The following BPIFB1 variants were observed in gnomAD, a reference collection of about 807,000 sequenced individuals.
The protein encoded by BPIFB1 is BPI fold-containing family B member 1.
Under a neutral mutation model 55.1 loss-of-function variants are expected in BPIFB1, and 34 were observed. That is an observed-to-expected ratio of 0.62 (90% CI 0.47 to 0.82). The LOEUF is 0.82. Among genes scored for constraint, BPIFB1 ranks in the 40% least tolerant of loss-of-function variants. The pLI is 0.00. For synonymous variants in BPIFB1, 236 were observed against 245.3 expected (o/e 0.96, Z 0.35); for missense variants, 532 against 593.1 (o/e 0.90, Z 1.07).
At chr20:33,305,009 G>T in intron 13 of BPIFB1, 118 bp downstream of exon 13, 1 of 1,170,540 alleles carries the variant, frequency 8.5e-7, no homozygotes, top group Non-Finnish European at 1.3e-6. Context: ...CACCATGGGG[G>T]GCTGGCCGGT....
intron 9 of BPIFB1, 26 bp downstream of exon 9, chr20:33,301,438 T>C: frequency 6.2e-7 from 1 of 1,602,000 alleles, no homozygotes; most frequent in Non-Finnish European, 8.5e-7. Flanking sequence ...AGGCAGAGAA[T>C]AGGGCCGCCC....
intron 14 of BPIFB1, 91 bp downstream of exon 14, chr20:33,306,156 T>C (rs1439153598): frequency 2.2e-6 from 3 of 1,339,218 alleles, no homozygotes; most frequent in Non-Finnish European, 3.2e-6. Context: ...CCCCTTTCAT[T>C]CATCTCCCAG....
chr20:33,306,854 C>G, intron 14 of BPIFB1, 57 bp from the exon 15 acceptor site: 1 of 1,479,786 alleles, frequency 6.8e-7, no homozygotes, highest in Non-Finnish European at 9.5e-7. Flanking sequence ...GAGCCTGCCC[C>G]TGGCTGCCCA....
At chr20:33,289,758 T>G in intron 3 of BPIFB1, 127 bp from the exon 4 acceptor site, 1 of 742,500 alleles carries the variant, frequency 1.3e-6, no homozygotes, top group Non-Finnish European at 2.4e-6. Flanking sequence ...TGGAGAGGAG[T>G]CGGTGGGCAG....
chr20:33,291,986 C>T lies in BPIFB1; in HGVS notation c.595C>T (p.Gln199Ter). 1 of 1,614,138 alleles carries T rather than the reference C, an allele frequency of 6.2e-7. No homozygotes were observed. Among genetic ancestry groups the T allele is most frequent in the South Asian group, 1.1e-5 (1 of 91,086 alleles). ...ATCCCTGCCCAATCTAGTGAAAAACCAGGTGAGTGGAATCAGGGCCTCTCT... is the reference window on the plus strand; with the variant it reads ...ATCCCTGCCCAATCTAGTGAAAAACTAGGTGAGTGGAATCAGGGCCTCTCT... ...VPSLPNLVKNQLCPVIEASFN... is the reference protein window; with the variant it reads ...VPSLPNLVKN The change falls in exon 6 of 16, where the codon CAG (glutamine) becomes TAG (stop). Residue 199 changes from glutamine (Q) to a stop codon, truncating the protein, a stop_gained and splice_region_variant. Coordinates refer to ENST00000253354, the MANE Select transcript of BPIFB1 (RefSeq NM_033197.3). LOFTEE classifies it high-confidence loss of function.
intron 13 of BPIFB1, 78 bp downstream of exon 13, chr20:33,304,969 G>T (rs1379850926): frequency 1.9e-6 from 3 of 1,539,968 alleles, no homozygotes; most frequent in Non-Finnish European, 2.7e-6. Flanking sequence ...TATTGCCCAG[G>T]ATTTGCTTCA....
intron 2 of BPIFB1, among the ~76,000 whole-genome samples, chr20:33,286,852 C>T (rs948152636): frequency 6.6e-6 from 1 of 152,242 alleles, no homozygotes; most frequent in East Asian, 1.9e-4. Context: ...GGTCTCCAGA[C>T]ATTGACAAAT....
At chr20:33,299,409 GC>G (rs1442602132) in intron 7 of BPIFB1, among the ~76,000 whole-genome samples, 1 of 152,248 alleles carries the variant, frequency 6.6e-6, no homozygotes, top group Non-Finnish European at 1.5e-5. Flanking sequence ...CTGGCTTCCA[GC>G]CTAAGCTTCC....
intron 13 of BPIFB1, 50 bp downstream of exon 13, chr20:33,304,941 G>T: frequency 8.2e-6 from 13 of 1,593,692 alleles, no homozygotes; most frequent in Non-Finnish European, 1.1e-5. Flanking sequence ...GCCTGGAATG[G>T]TCCACTCTCA....
intron 9 of BPIFB1, 104 bp downstream of exon 9, chr20:33,301,516 T>C: frequency 9.3e-7 from 1 of 1,071,264 alleles, no homozygotes; most frequent in Non-Finnish European, 1.3e-6. Flanking sequence ...CAGGCTCAGT[T>C]TAATGGAGAT....
At chr20:33,285,606 T>A (rs2146524699) in intron 1 of BPIFB1, among the ~76,000 whole-genome samples, 1 of 150,744 alleles carries the variant, frequency 6.6e-6, no homozygotes, top group South Asian at 2.1e-4. Flanking sequence ...TAGTCCCAAC[T>A]ACTCAGGAGG....
rs565243116 is a variant in BPIFB1 at position 33,309,053 on chromosome 20, C to T, written c.1396-655C>T. Among the ~76,000 whole-genome samples, 24 of 152,280 alleles carry T rather than the reference C, an allele frequency of 1.6e-4. No homozygotes were observed. The highest frequency in any genetic ancestry group is 2.5e-4 in the Non-Finnish European group (17 of 68,032). ...TCCATCTTGTCCATGCCTCTGTCCC[C>T]GGTGCTCAGCATGGCCTGGCACACA... On this transcript the variant is annotated intron_variant, in intron 15 of 15. Coordinates refer to ENST00000253354, the MANE Select transcript of BPIFB1 (RefSeq NM_033197.3). This position sits in a 1 kb window ranked among gnomAD's most constrained non-coding sequence, Gnocchi z 4.4.
At chr20:33,300,247 A>G (rs1980803521) in intron 8 of BPIFB1, among the ~76,000 whole-genome samples, 4 of 152,148 alleles carry the variant, frequency 2.6e-5, no homozygotes, top group Admixed American at 2.0e-4. Flanking sequence ...CCTTTCTCTC[A>G]GGCAAGTCCC....
intron 9 of BPIFB1, among the ~76,000 whole-genome samples, chr20:33,301,868 A>C (rs1476840185): frequency 6.6e-6 from 1 of 152,138 alleles, no homozygotes; most frequent in Non-Finnish European, 1.5e-5. Flanking sequence ...CACAGCCGAT[A>C]ACCACCACCA....
At chr20:33,301,454 A>G (rs1462353624) in intron 9 of BPIFB1, 42 bp downstream of exon 9, 1 of 1,572,586 alleles carries the variant, frequency 6.4e-7, no homozygotes, top group Admixed American at 1.7e-5. Flanking sequence ...CGCCCAGGCC[A>G]CATCATAGGA....
At chr20:33,306,426 C>G (rs982185078) in intron 14 of BPIFB1, among the ~76,000 whole-genome samples, 2 of 152,208 alleles carry the variant, frequency 1.3e-5, no homozygotes, top group Admixed American at 1.3e-4. Flanking sequence ...TCCTTCTGAG[C>G]CTCAGTTTCT....
At chr20:33,287,798 G>T (rs1215263758) in intron 2 of BPIFB1, among the ~76,000 whole-genome samples, 1 of 152,154 alleles carries the variant, frequency 6.6e-6, no homozygotes, top group East Asian at 1.9e-4. Flanking sequence ...GCTAGCCAGG[G>T]TGCCTGCAGA....
At chr20:33,286,407 A>G (rs1980267847) in intron 2 of BPIFB1, among the ~76,000 whole-genome samples, 1 of 152,002 alleles carries the variant, frequency 6.6e-6, no homozygotes, top group African/African-American at 2.4e-5. Flanking sequence ...AGTTCCAAAG[A>G]CCCTGAGTTT....
intron 1 of BPIFB1, among the ~76,000 whole-genome samples, chr20:33,285,578 C>T (rs1167839954): frequency 5.3e-5 from 8 of 151,280 alleles, no homozygotes; most frequent in Admixed American, 2.0e-4. Context: ...ATTAGCCTGG[C>T]GCGGTGGTGG....
Sources: gnomAD v4.1 joint callset for allele counts (sites outside exome capture counted in the v4.1 genomes callset) on GRCh38, gnomAD v4.1.1 for gene constraint, Gnocchi (gnomAD v3.1) non-coding constraint, MANE v1.5 for transcripts, NCBI Gene and HGNC (gene_info 2026-07-23, HGNC 2026-07-21) for gene names.